TTC7B: variants seen among roughly 807,000 people sequenced by gnomAD.
TTC7B encodes the protein tetratricopeptide repeat protein 7B.
A neutral mutation model predicts 106.8 loss-of-function variants in TTC7B; 28 were observed. The ratio of observed to expected loss-of-function variants is 0.26; its 90% confidence interval spans 0.19 to 0.36. TTC7B has a LOEUF of 0.36. Ranked by LOEUF, TTC7B falls within the 10% of genes least tolerant of loss-of-function variation. TTC7B has a pLI of 1.00. For missense variants in TTC7B, 862 were observed against 1,076.4 expected, an observed-to-expected ratio of 0.80 and a Z score of 2.79; for synonymous variants, 405 against 430.6, an observed-to-expected ratio of 0.94 and a Z score of 0.74.
At position 90,559,148 on chromosome 14, in the gene TTC7B, C is replaced by CA. The variant is rs551809719; in HGVS notation, c.2311-17560dup. Among the ~76,000 whole-genome samples, 353 of 152,348 alleles carry CA rather than the reference C, an allele frequency of 2.3e-3. 1 individual carries two copies. The highest frequency in any genetic ancestry group is 7.6e-3 in the African/African-American group (315 of 41,572). On this transcript the variant is annotated intron_variant, in intron 19 of 19. Transcript: ENST00000328459. ...GATGTGACCGCTTACCCAGGCCGGGCAAACGCGGAGCTTGGAGGATCCACC... is the reference window on the plus strand; with the variant it reads ...GATGTGACCGCTTACCCAGGCCGGGCAAAACGCGGAGCTTGGAGGATCCACC...
chr14:90,714,733 A>G (rs1031422875), intron 5 of TTC7B, among the ~76,000 whole-genome samples: 1 of 152,176 alleles, frequency 6.6e-6, no homozygotes. Context: ...CTGAGATTAT[A>G]GGCGTGAGCC....
chr14:90,657,174 C>G lies in TTC7B; in HGVS notation c.1341G>C (p.Trp447Cys). The G allele has an allele frequency of 6.2e-7, 1 of 1,613,014 alleles. No individual in the cohort carries two copies. Among genetic ancestry groups the G allele is most frequent in the Non-Finnish European group, 8.5e-7 (1 of 1,179,174 alleles). ...AAKLCMGSLH[W>C]LEEAEKFAKT... ...CGGGGAGGGGGGCGCCCCTACTCAC[C>G]CAGTGCAGGGAGCCCATGCAGAGCT... Residue 447 changes from tryptophan to cysteine, a missense_variant and splice_region_variant, in exon 11 of 20, where the codon TGG (tryptophan) becomes TGC (cysteine). Coordinates refer to ENST00000328459, the MANE Select transcript of TTC7B (RefSeq NM_001010854.2). This position sits in a 1 kb window ranked among gnomAD's most constrained non-coding sequence, Gnocchi z 4.2.
At chr14:90,758,550 G>A (rs1595353386) in intron 3 of TTC7B, among the ~76,000 whole-genome samples, 2 of 152,316 alleles carry the variant, frequency 1.3e-5, no homozygotes, top group South Asian at 4.1e-4. Context: ...ACTGTGGCGC[G>A]CGACTGCGCT....
intron 17 of TTC7B, among the ~76,000 whole-genome samples, chr14:90,597,280 T>C (rs1892242248): frequency 6.6e-6 from 1 of 151,898 alleles, no homozygotes; most frequent in Non-Finnish European, 1.5e-5. Context: ...ACACAACAAA[T>C]AAAAGTCTTC....
intron 5 of TTC7B, among the ~76,000 whole-genome samples, chr14:90,723,592 T>C (rs1888976031): frequency 6.6e-6 from 1 of 152,192 alleles, no homozygotes; most frequent in Admixed American, 6.5e-5. Context: ...CTTGGAGCTC[T>C]CTTTCCCCTG....
Position 90,608,213 on chromosome 14 carries a change from C to T in TTC7B, c.1966+2529G>A, listed in dbSNP as rs1344104033. Among the ~76,000 whole-genome samples the T allele has an allele frequency of 2.0e-5, 3 of 152,188 alleles. No individual in the cohort carries two copies. Among genetic ancestry groups the T allele is most frequent in the African/African-American group, 4.8e-5 (2 of 41,458 alleles). ...GGAGGCATTTTTCCCCATTTTTAGG[C>T]AAGCCTTCCCAACGTGTAAGTTTCT... On this transcript the variant is annotated intron_variant, in intron 17 of 19. Coordinates refer to ENST00000328459, the MANE Select transcript of TTC7B (RefSeq NM_001010854.2). This position sits in a 1 kb window ranked among gnomAD's most constrained non-coding sequence, Gnocchi z 5.1.
intron 18 of TTC7B, among the ~76,000 whole-genome samples, chr14:90,584,400 G>A (rs369288125): frequency 7.2e-5 from 11 of 152,214 alleles, no homozygotes; most frequent in Middle Eastern, 3.2e-3. Flanking sequence ...TTGGCTGTGC[G>A]GGGTGTGCAC....
chr14:90,599,416 A>T (rs1456308660), intron 17 of TTC7B, among the ~76,000 whole-genome samples: 1 of 152,172 alleles, frequency 6.6e-6, no homozygotes, highest in Non-Finnish European at 1.5e-5. Context: ...CTTGGCGAGC[A>T]TTCCAGTGCC....
intron 17 of TTC7B, among the ~76,000 whole-genome samples, chr14:90,599,473 T>C (rs1010159169): frequency 2.6e-5 from 4 of 152,154 alleles, no homozygotes; most frequent in African/African-American, 4.8e-5. Flanking sequence ...AAACATCCTC[T>C]ACCAAAAGAT....
At chr14:90,621,584 G>A (rs1212312025) in intron 15 of TTC7B, among the ~76,000 whole-genome samples, 2 of 152,170 alleles carry the variant, frequency 1.3e-5, no homozygotes, top group East Asian at 1.9e-4. Flanking sequence ...GAGTATGGCC[G>A]GAATGATAGG....
In TTC7B at chr14:90,530,859, A is replaced by G. The variant is rs746513234; in HGVS notation, c.*10509T>C. 1 of 152,234 alleles carries G rather than the reference A, an allele frequency of 6.6e-6. No homozygotes were observed. The highest frequency in any genetic ancestry group is 1.5e-5 in the Non-Finnish European group (1 of 68,058). 9.4% of individuals were successfully genotyped at this position (152,234 alleles called of 1,614,324 possible). On this transcript the variant is annotated 3_prime_UTR_variant, in exon 20 of 20. Coordinates refer to ENST00000328459, the MANE Select transcript of TTC7B (RefSeq NM_001010854.2). The stretch of plus-strand genomic sequence containing the variant: ...AAATGTGCGTTGTTTTATTGGGTGC[A>G]GTGTATACTGCTCGGGTGATGGGTG...
At chr14:90,591,340 C>T (rs1291806125) in intron 18 of TTC7B, among the ~76,000 whole-genome samples, 1 of 152,034 alleles carries the variant, frequency 6.6e-6, no homozygotes, top group Non-Finnish European at 1.5e-5. Context: ...GACTCCAACC[C>T]CCCGAAAAAA....
At chr14:90,724,581 C>T (rs966285168) in intron 5 of TTC7B, among the ~76,000 whole-genome samples, 1 of 152,188 alleles carries the variant, frequency 6.6e-6, no homozygotes, top group African/African-American at 2.4e-5. Flanking sequence ...CGCCCTCACT[C>T]TCTTGCTCCT....
chr14:90,715,245 G>A (rs969670862), intron 5 of TTC7B, among the ~76,000 whole-genome samples: 18 of 152,200 alleles, frequency 1.2e-4, no homozygotes, highest in Non-Finnish European at 7.3e-5. Flanking sequence ...CAGCTGGTAT[G>A]TTGGGGCTCA....
chr14:90,736,710 A>C (rs1889543763), intron 4 of TTC7B, among the ~76,000 whole-genome samples: 1 of 151,822 alleles, frequency 6.6e-6, no homozygotes, highest in African/African-American at 2.4e-5. Context: ...CAAAGTGAGA[A>C]CCTGTCTACA....
intron 1 of TTC7B, among the ~76,000 whole-genome samples, chr14:90,788,907 G>A (rs1281146965): frequency 6.6e-6 from 1 of 151,228 alleles, no homozygotes. Flanking sequence ...AGGTTGCAGT[G>A]AGCCAAGATC....
intron 19 of TTC7B, among the ~76,000 whole-genome samples, chr14:90,544,018 C>T (rs1371370863): frequency 6.6e-6 from 1 of 152,216 alleles, no homozygotes; most frequent in Non-Finnish European, 1.5e-5. Flanking sequence ...CCAGGAGGAG[C>T]ACGTGGTTGG....
intron 11 of TTC7B, among the ~76,000 whole-genome samples, chr14:90,656,844 A>G (rs1169539238): frequency 1.3e-5 from 2 of 152,212 alleles, no homozygotes; most frequent in Non-Finnish European, 1.5e-5. Flanking sequence ...TAATTCAGTG[A>G]CGTGTCTCTT....
intron 7 of TTC7B, among the ~76,000 whole-genome samples, chr14:90,681,911 A>T (rs916481887): frequency 1.3e-5 from 2 of 152,050 alleles, no homozygotes; most frequent in African/African-American, 4.8e-5. Flanking sequence ...GTGCATGTAC[A>T]TGCACACTCG....
Sources: gnomAD v4.1 joint callset for allele counts (sites outside exome capture counted in the v4.1 genomes callset) on GRCh38, gnomAD v4.1.1 for gene constraint, Gnocchi (gnomAD v3.1) non-coding constraint, MANE v1.5 for transcripts, NCBI Gene and HGNC (gene_info 2026-07-23, HGNC 2026-07-21) for gene names.